GPHN: variants seen among roughly 807,000 people sequenced by gnomAD.
The protein encoded by GPHN is gephyrin.
In GPHN, 17 loss-of-function variants were observed where a neutral mutation model predicts 95.5. The ratio of observed to expected loss-of-function variants is 0.18; its 90% CI spans 0.12 to 0.27. GPHN has a LOEUF of 0.27. Among genes scored for constraint, GPHN ranks in the 10% least tolerant of loss-of-function variants. The probability of loss-of-function intolerance (pLI) is 1.00; values close to 1 mark genes in which losing one functional copy is unlikely to be tolerated. For synonymous variants in GPHN, 320 were observed against 322.5 expected (o/e 0.99, Z 0.08); for missense variants, 660 against 978.1 (o/e 0.67, Z 4.34).
At chr14:66,778,403 A>C (rs957002627) in intron 3 of GPHN, among the ~76,000 whole-genome samples, 4 of 152,226 alleles carry the variant, frequency 2.6e-5, no homozygotes, top group African/African-American at 7.2e-5. Flanking sequence ...CATTACAGTA[A>C]TGAAAAATTG....
chr14:67,601,588 G>A, the GPHN span, among the ~76,000 whole-genome samples: 1 of 151,846 alleles, frequency 6.6e-6, no homozygotes, highest in Non-Finnish European at 1.5e-5. Context: ...TGGCCCAGGA[G>A]TGGCTATGTG....
chr14:66,790,774 A>G (rs1181553539), intron 3 of GPHN, among the ~76,000 whole-genome samples: 1 of 152,210 alleles, frequency 6.6e-6, no homozygotes, highest in Non-Finnish European at 1.5e-5. Flanking sequence ...GTGACACTGA[A>G]TGAAAAGTTC....
the GPHN span, among the ~76,000 whole-genome samples, chr14:67,314,721 GT>G: frequency 6.6e-6 from 1 of 152,204 alleles, no homozygotes; most frequent in Non-Finnish European, 1.5e-5. Context: ...ACATTTCTAA[GT>G]CTTTTTATAA....
At chr14:66,513,686 T>G (rs771009762) in intron 1 of GPHN, among the ~76,000 whole-genome samples, 1 of 151,866 alleles carries the variant, frequency 6.6e-6, no homozygotes, top group Non-Finnish European at 1.5e-5. Context: ...TTAAAAGTAA[T>G]TGGGACTGTA....
intron 1 of GPHN, among the ~76,000 whole-genome samples, chr14:66,595,233 A>G (rs1353182831): frequency 1.3e-5 from 2 of 152,244 alleles, no homozygotes; most frequent in Admixed American, 6.5e-5. Context: ...AATTGTAAAC[A>G]GTATGGAGGT....
At chr14:67,684,074 T>G in the GPHN span, among the ~76,000 whole-genome samples, 2 of 152,198 alleles carry the variant, frequency 1.3e-5, no homozygotes, top group Non-Finnish European at 2.9e-5. Flanking sequence ...ATTACAACTT[T>G]CTGAAACTCT....
At chr14:67,085,561 A>G (rs1832061174) in intron 11 of GPHN, among the ~76,000 whole-genome samples, 1 of 152,212 alleles carries the variant, frequency 6.6e-6, no homozygotes, top group Non-Finnish European at 1.5e-5. Context: ...GAATATAGGA[A>G]GAAAGAGAGC....
the GPHN span, among the ~76,000 whole-genome samples, chr14:67,222,428 A>T: frequency 6.6e-6 from 1 of 152,082 alleles, no homozygotes; most frequent in African/African-American, 2.4e-5. Context: ...AGTAGCTGGG[A>T]TTACAGGCGT....
chr14:66,676,880 C>G (rs1378519896), intron 1 of GPHN, among the ~76,000 whole-genome samples: 1 of 151,888 alleles, frequency 6.6e-6, no homozygotes, highest in Non-Finnish European at 1.5e-5. Context: ...GGAAGAGTTT[C>G]AGCAAAATAG....
At chr14:67,517,223 C>T in the GPHN span, among the ~76,000 whole-genome samples, 2 of 152,140 alleles carry the variant, frequency 1.3e-5, no homozygotes, top group African/African-American at 2.4e-5. Flanking sequence ...CCCCTTGCCA[C>T]GAAGGCATAG....
chr14:67,338,376 T>C, the GPHN span: 1 of 430,206 alleles, frequency 2.3e-6, no homozygotes, highest in African/African-American at 2.0e-5. Flanking sequence ...TGGAGTATGA[T>C]AACGCTTCTG....
At chr14:66,680,997 A>G in intron 1 of GPHN, 110 bp from the exon 2 acceptor site, 1 of 656,636 alleles carries the variant, frequency 1.5e-6, no homozygotes, top group Admixed American at 2.5e-5. Flanking sequence ...TTGGGGAAAA[A>G]TGAAAAAAAA....
In GPHN at chr14:66,577,366, A is replaced by G. The variant is rs75797758; in HGVS notation, c.64+68775A>G. ...AGGTCATGATAGCTAACAGAACCAT[A>G]AGAAATTCAACTCATTCTATAGTTT... On this transcript the variant is annotated intron_variant, in intron 1 of 22. Coordinates refer to ENST00000478722, the MANE Select transcript of GPHN (RefSeq NM_020806.5). Among the ~76,000 whole-genome samples the G allele has an allele frequency of 3.6e-3, 551 of 152,292 alleles. 11 individuals are homozygous for G. The highest frequency in any genetic ancestry group is 0.013 in the African/African-American group (525 of 41,576).
chr14:66,600,768 A>G (rs1566681600), intron 1 of GPHN, among the ~76,000 whole-genome samples: 1 of 152,092 alleles, frequency 6.6e-6, no homozygotes, highest in Non-Finnish European at 1.5e-5. Flanking sequence ...GTTGCACTTA[A>G]TAGACTGTGA....
intron 5 of GPHN, among the ~76,000 whole-genome samples, chr14:66,885,229 A>G (rs916301905): frequency 6.6e-6 from 1 of 152,116 alleles, no homozygotes; most frequent in Admixed American, 6.6e-5. Flanking sequence ...GGGGAGCATA[A>G]GATGGCAGAG....
chr14:67,480,650 C>A, the GPHN span, among the ~76,000 whole-genome samples: 18 of 152,160 alleles, frequency 1.2e-4, no homozygotes, highest in African/African-American at 3.9e-4. Flanking sequence ...ACTCAGGCCC[C>A]ATGACCTGCA....
At chr14:66,700,006 A>G (rs1047622333) in intron 2 of GPHN, among the ~76,000 whole-genome samples, 7 of 152,318 alleles carry the variant, frequency 4.6e-5, no homozygotes, top group Non-Finnish European at 7.4e-5. Flanking sequence ...TAGAGACTAT[A>G]AAAGGAGAGA....
chr14:67,232,233 T>C, the GPHN span, among the ~76,000 whole-genome samples: 11 of 152,250 alleles, frequency 7.2e-5, no homozygotes, highest in African/African-American at 2.4e-4. Flanking sequence ...TCTTAAGTCA[T>C]TTGCCCTGGT....
intron 1 of GPHN, among the ~76,000 whole-genome samples, chr14:66,618,090 C>T (rs2063124040): frequency 6.6e-6 from 1 of 151,946 alleles, no homozygotes; most frequent in Admixed American, 6.6e-5. Flanking sequence ...TCTTTTCAAT[C>T]TTACATTTTT....
Sources: allele counts gnomAD v4.1 joint callset (sites outside exome capture counted in the v4.1 genomes callset), GRCh38; gene constraint gnomAD v4.1.1; transcripts MANE v1.5; gene names NCBI Gene and HGNC (gene_info 2026-07-23, HGNC 2026-07-21).